CPT1C: variants seen among roughly 807,000 people sequenced by gnomAD.
CPT1C encodes palmitoyl thioesterase CPT1C.
In CPT1C, 61 loss-of-function variants were observed where a neutral mutation model predicts 97.3. The observed-to-expected ratio is 0.63, with a 90% CI of 0.51 to 0.78. The LOEUF (loss-of-function observed/expected upper bound fraction) is 0.78. Ranked by LOEUF, CPT1C falls within the 30% of genes least tolerant of loss-of-function variation. CPT1C has a pLI of 0.00. For synonymous variants in CPT1C, 469 were observed against 447.2 expected, an observed-to-expected ratio of 1.05 and a Z score of -0.61; for missense variants, 975 against 1,065.5, an observed-to-expected ratio of 0.92 and a Z score of 1.18.
chr19:49,701,490 C>T lies in CPT1C; in HGVS notation c.556-7C>T, dbSNP rs377085056. 6 of 1,603,462 alleles carry T rather than the reference C, an allele frequency of 3.7e-6. No homozygotes were observed. Among genetic ancestry groups the T allele is most frequent in the Non-Finnish European group, 5.1e-6 (6 of 1,172,390 alleles). ...GGGGGCGTGACCTGCCCTCTTCTCC[C>T]CTTTAGTACCTGGAGTCGGTCCGGC... On this transcript the variant is annotated splice_polypyrimidine_tract_variant and splice_region_variant and intron_variant, in intron 6 of 19. Transcript: ENST00000598293.
At chr19:49,693,078 G>T (rs1450864007) in intron 3 of CPT1C, among the ~76,000 whole-genome samples, 1 of 152,112 alleles carries the variant, frequency 6.6e-6, no homozygotes, top group Admixed American at 6.6e-5. Flanking sequence ...AGTAGAGACG[G>T]GGTTTCAACA....
chr19:49,710,900 C>T, intron 16 of CPT1C, 43 bp downstream of exon 16: 1 of 1,572,254 alleles, frequency 6.4e-7, no homozygotes, highest in Non-Finnish European at 8.7e-7. Context: ...TTTCTGTGTA[C>T]TCACTCATCC....
At chr19:49,700,941 T>A (rs1006428181) in intron 5 of CPT1C, 86 bp downstream of exon 5, 1 of 1,427,408 alleles carries the variant, frequency 7.0e-7, no homozygotes. Context: ...CCCCTCTCTC[T>A]GGGTCTCTGT....
At chr19:49,692,682 C>T (rs1429240754) in intron 3 of CPT1C, among the ~76,000 whole-genome samples, 4 of 152,196 alleles carry the variant, frequency 2.6e-5, no homozygotes, top group Non-Finnish European at 4.4e-5. Flanking sequence ...CCATATCCTT[C>T]CCTTATGGTG....
At position 49,700,678 on chromosome 19, in the gene CPT1C, C is replaced by T. The variant is rs775283635; in HGVS notation, c.282-6C>T. On this transcript the variant is annotated splice_polypyrimidine_tract_variant and splice_region_variant and intron_variant, in intron 4 of 19. Coordinates refer to ENST00000598293, the MANE Select transcript of CPT1C (RefSeq NM_001199753.2). ...CCAGGCCCAGCCTCTGTTTCTCTCC[C>T]CGCAGGGGTGGACAACACCACGGGC... 1 of 1,606,566 alleles carries T rather than the reference C, an allele frequency of 6.2e-7. No individual in the cohort carries two copies. The highest frequency in any genetic ancestry group is 8.5e-7 in the Non-Finnish European group (1 of 1,179,924).
chr19:49,701,727 A>G, intron 7 of CPT1C, 93 bp downstream of exon 7: 6 of 1,404,818 alleles, frequency 4.3e-6, no homozygotes, highest in Non-Finnish European at 5.6e-6. Flanking sequence ...CTGCCCCACG[A>G]CACGCCCACA....
At position 49,710,777 on chromosome 19, in the gene CPT1C, G is replaced by C. The variant is rs2083821452; in HGVS notation, c.1786G>C (p.Glu596Gln). 1.9e-6 allele frequency: 3 copies of C among 1,614,082 alleles called. No homozygotes were observed. The highest frequency in any genetic ancestry group is 2.5e-6 in the Non-Finnish European group (3 of 1,179,980). Reference protein sequence around the residue: ...YESAMTRLFLEGRTETVRSCT... With the variant: ...YESAMTRLFLQGRTETVRSCT... ...GTCGGCCATGACTCGCTTATTCCTGGAAGGCCGGACGGAGACGGTGCGGTC... is the reference window on the plus strand; with the variant it reads ...GTCGGCCATGACTCGCTTATTCCTGCAAGGCCGGACGGAGACGGTGCGGTC... Residue 596 changes from glutamate (E) to glutamine (Q), a missense_variant, in exon 16 of 20, where the codon GAA becomes CAA. By Grantham distance (29) the Glu-to-Gln change is conservative. This residue lies in a region of CPT1C where 344 missense variants were observed against 395.7 expected (regional missense o/e 0.87). Coordinates refer to ENST00000598293, the MANE Select transcript of CPT1C (RefSeq NM_001199753.2).
chr19:49,697,332 T>C lies in CPT1C; in HGVS notation c.148T>C (p.Phe50Leu). 1 of 1,614,062 alleles carries C rather than the reference T, an allele frequency of 6.2e-7. No homozygotes were observed. Among genetic ancestry groups the C allele is most frequent in the Non-Finnish European group, 8.5e-7 (1 of 1,179,986 alleles). The change falls in exon 4 of 20, where the codon TTT (phenylalanine) becomes CTT (leucine). Residue 50 changes from phenylalanine (F) to leucine (L), a missense_variant. Coordinates refer to ENST00000598293, the MANE Select transcript of CPT1C (RefSeq NM_001199753.2). Reference sequence around the variant, plus strand: ...TGCCCTTTCCTCCCCACAGAATGACTTTCTCACCGGTGTGTTTCCTGCCAG... The same window carrying C: ...TGCCCTTTCCTCCCCACAGAATGACCTTCTCACCGGTGTGTTTCCTGCCAG... ...KRHLSRFWND[F>L]LTGVFPASPL...
chr19:49,700,724 G>A lies in CPT1C; in HGVS notation c.322G>A (p.Ala108Thr), dbSNP rs1243005888. ...CGGGCTCCGGGGGGTCCTGGCAGCC[G>A]CGCTGTTTGCCTCGTGTTTGTGGGG... ...HHGLRGVLAAALFASCLWGAL... is the reference protein window; with the variant it reads ...HHGLRGVLAATLFASCLWGAL... Residue 108 changes from alanine to threonine, a missense_variant, in exon 5 of 20, where the codon GCG becomes ACG. Around this residue, in one of 3 missense-constraint regions of CPT1C, gnomAD observed 596 missense variants for 603.1 expected, o/e 0.99. Transcript: ENST00000598293. 14 of 1,611,760 alleles carry A rather than the reference G, an allele frequency of 8.7e-6. No homozygotes were observed. The highest frequency in any genetic ancestry group is 1.1e-5 in the Non-Finnish European group (13 of 1,180,012).
rs758064468 is a variant in CPT1C, at chr19:49,701,358, C to G, written c.495C>G (p.Phe165Leu). The change falls in exon 6 of 20, where the codon TTC (phenylalanine) becomes TTG (leucine). Residue 165 changes from phenylalanine (F) to leucine (L), a missense_variant. By Grantham distance (22) the Phe-to-Leu change is conservative (BLOSUM62 0). Transcript: ENST00000598293. ...TCTCTGGCCGCCACCCGATGCTGTT[C>G]AGTTACCAGCGCTCCCTGCCACGCC... ...RIFSGRHPML[F>L]SYQRSLPRQP... 1 of 1,613,652 alleles carries G rather than the reference C, an allele frequency of 6.2e-7. No individual in the cohort carries two copies.
rs577372391 is a variant in CPT1C at position 49,710,389 on chromosome 19, G to A, written c.1636G>A (p.Val546Ile). Residue 546 changes from valine (V) to isoleucine (I), a missense_variant, in exon 15 of 20, where the codon GTT (valine) becomes ATT (isoleucine). Transcript: ENST00000598293. ...GTCTGAAAATGTCGACTGCCATGTCGTTCCATTCTCCCTATTTGGCAAGAG... is the reference window on the plus strand; with the variant it reads ...GTCTGAAAATGTCGACTGCCATGTCATTCCATTCTCCCTATTTGGCAAGAG... ...ILSENVDCHV[V>I]PFSLFGKSFI... The A allele has an allele frequency of 1.1e-5, 18 of 1,614,046 alleles. No individual in the cohort carries two copies. Among genetic ancestry groups the A allele is most frequent in the South Asian group, 9.9e-5 (9 of 91,082 alleles).
Position 49,700,822 on chromosome 19 carries a change from C to G in CPT1C, c.420C>G (p.His140Gln). Residue 140 changes from histidine to glutamine, a missense_variant, in exon 5 of 20, where the codon CAC (histidine) becomes CAG (glutamine). His to Gln is a conservative substitution (Grantham distance 24). Around this residue, in one of 3 missense-constraint regions of CPT1C, gnomAD observed 596 missense variants for 603.1 expected, o/e 0.99. Transcript: ENST00000598293. ...ACCACGGCTGGCTTCTTGAGCCCCA[C>G]GGAGCCATGTCCTCCCCCACCAAGA... ...LSYHGWLLEP[H>Q]GAMSSPTKTW... 6.2e-7 allele frequency: 1 copy of G among 1,613,108 alleles called. No individual in the cohort carries two copies.
intron 17 of CPT1C, chr19:49,712,306 T>C: frequency 3.2e-6 from 1 of 308,848 alleles, no homozygotes; most frequent in Non-Finnish European, 5.9e-6. Flanking sequence ...ATCGCACCAC[T>C]GCACTCCAGC....
At chr19:49,708,925 T>TG (rs1276804017) in intron 14 of CPT1C, 86 bp downstream of exon 14, 1 of 875,830 alleles carries the variant, frequency 1.1e-6, no homozygotes, top group Non-Finnish European at 1.8e-6. Flanking sequence ...AATCTGAACG[T>TG]GAAAATCAAC....
chr19:49,692,412 C>G lies in CPT1C; in HGVS notation c.141+19C>G. The G allele has an allele frequency of 6.2e-7, 1 of 1,613,200 alleles. No individual in the cohort carries two copies. The highest frequency in any genetic ancestry group is 8.5e-7 in the Non-Finnish European group (1 of 1,179,424). ...TTTCTGGGTGAGGAGCGGTGCTGGT[C>G]GGTTTCCTTCCGGGGATCCAGGTTT... On this transcript the variant is annotated intron_variant, in intron 3 of 19. Transcript: ENST00000598293.
At position 49,710,370 on chromosome 19, in the gene CPT1C, A is replaced by C; in HGVS notation, c.1617A>C (p.Glu539Asp). The C allele has an allele frequency of 6.2e-7, 1 of 1,614,090 alleles. No homozygotes were observed. The highest frequency in any genetic ancestry group is 8.5e-7 in the Non-Finnish European group (1 of 1,180,016). The change falls in exon 15 of 20, where the codon GAA becomes GAC. Residue 539 changes from glutamate (E) to aspartate (D), a missense_variant. This residue lies in a region of CPT1C where 344 missense variants were observed against 395.7 expected (regional missense o/e 0.87). Coordinates refer to ENST00000598293, the MANE Select transcript of CPT1C (RefSeq NM_001199753.2). ...LALRGAKILS[E>D]NVDCHVVPFS... ...TGAGGGGAGCCAAGATCTTGTCTGA[A>C]AATGTCGACTGCCATGTCGTTCCAT...
chr19:49,700,209 A>C (rs977175174), intron 4 of CPT1C, among the ~76,000 whole-genome samples: 1 of 147,424 alleles, frequency 6.8e-6, no homozygotes, highest in Non-Finnish European at 1.5e-5. Context: ...ATAGCACCAC[A>C]GCACTCCAGC....
chr19:49,700,165 T>G (rs529742569), intron 4 of CPT1C, among the ~76,000 whole-genome samples: 2 of 150,748 alleles, frequency 1.3e-5, no homozygotes, highest in African/African-American at 4.9e-5. Flanking sequence ...GAGAATGGCG[T>G]GAACCCAGGA....
At position 49,701,409 on chromosome 19, in the gene CPT1C, C is replaced by T. The variant is rs775822664; in HGVS notation, c.546C>T (p.Thr182=). The stretch of plus-strand genomic sequence containing the variant: ...AGCCCGTGCCCTCTGTGCAGGACAC[C>T]GTGCGCAAGGTGGGCCTGGGAGCGC... The part of the protein sequence containing the change: ...PRQPVPSVQD[T]VRKYLESVRP... The change falls in exon 6 of 20, where the codon ACC becomes ACT. Residue 182 remains threonine, a synonymous_variant. Coordinates refer to ENST00000598293, the MANE Select transcript of CPT1C (RefSeq NM_001199753.2). 8 of 1,610,212 alleles carry T rather than the reference C, an allele frequency of 5.0e-6. No homozygotes were observed. The highest frequency in any genetic ancestry group is 4.4e-5 in the South Asian group (4 of 90,750).
Sources: gnomAD v4.1 joint callset for allele counts (sites outside exome capture counted in the v4.1 genomes callset) on GRCh38, gnomAD v4.1.1 for gene constraint, gnomAD v4.1.1 regional missense constraint, MANE v1.5 for transcripts, NCBI Gene and HGNC (gene_info 2026-07-23, HGNC 2026-07-21) for gene names.